Variants in FAM13B observed in about 807,000 individuals in gnomAD.
The protein encoded by FAM13B is protein FAM13B.
FAM13B carries 60 observed loss-of-function variants against 117.3 expected under a neutral mutation model. The ratio of observed to expected loss-of-function variants is 0.51; its 90% CI spans 0.42 to 0.63. The LOEUF (loss-of-function observed/expected upper bound fraction) is 0.63. FAM13B is among the 30% of genes least tolerant of loss of function. The pLI, the probability that FAM13B is intolerant of heterozygous loss-of-function variation, is 0.00. For synonymous variants in FAM13B, 332 were observed against 356.1 expected, an observed-to-expected ratio of 0.93 and a Z score of 0.76; for missense variants, 972 against 1,091.9, an observed-to-expected ratio of 0.89 and a Z score of 1.55.
intron 7 of FAM13B, among the ~76,000 whole-genome samples, chr5:137,989,500 T>TC (rs1778074861): frequency 6.6e-6 from 1 of 152,178 alleles, no homozygotes; most frequent in Non-Finnish European, 1.5e-5. Context: ...GCTGATCGTC[T>TC]CCAGGGAAGT....
intron 10 of FAM13B, among the ~76,000 whole-genome samples, chr5:137,984,482 C>T (rs189097519): frequency 2.2e-4 from 33 of 152,260 alleles, no homozygotes; most frequent in African/African-American, 7.9e-4. Flanking sequence ...ATTTAAGCCA[C>T]CTCTGAGAGA....
intron 16 of FAM13B, 51 bp from the exon 17 acceptor site, chr5:137,952,760 C>G: frequency 9.4e-7 from 1 of 1,064,040 alleles, no homozygotes; most frequent in Non-Finnish European, 1.4e-6. Flanking sequence ...GCAATAGTTA[C>G]ATTAATTTAT....
intron 7 of FAM13B, among the ~76,000 whole-genome samples, chr5:137,988,908 C>T (rs1292778176): frequency 2.6e-5 from 4 of 152,210 alleles, no homozygotes; most frequent in African/African-American, 9.6e-5. Flanking sequence ...GGGACAACTA[C>T]TTTCTCTGGT....
At chr5:137,942,667 T>A (rs1402024626) in intron 22 of FAM13B, 2 of 526,100 alleles carry the variant, frequency 3.8e-6, no homozygotes, top group African/African-American at 4.0e-5. Context: ...CTGGCTAGAT[T>A]TTTTTTTAAT....
At chr5:137,990,840 T>G (rs554768268) in intron 7 of FAM13B, among the ~76,000 whole-genome samples, 1 of 152,238 alleles carries the variant, frequency 6.6e-6, no homozygotes, top group African/African-American at 2.4e-5. Context: ...ATATTTCTGC[T>G]GATGTCAATA....
At position 138,013,462 on chromosome 5, in the gene FAM13B, C is replaced by G. The variant is rs577271199; in HGVS notation, c.371-1517G>C. Among the ~76,000 whole-genome samples, 9 of 149,050 alleles carry G rather than the reference C, an allele frequency of 6.0e-5. No individual in the cohort carries two copies. The East Asian group carries it at 1.8e-3, about 30-fold the overall frequency. On this transcript the variant is annotated intron_variant, in intron 4 of 23. Coordinates refer to ENST00000689681, the MANE Select transcript of FAM13B (RefSeq NM_001385994.1). ...CTTGCAGTGAGCCGAGATTGCACCACTGCACTCCAGCCTGGGGGACAGAGC... is the reference window on the plus strand; with the variant it reads ...CTTGCAGTGAGCCGAGATTGCACCAGTGCACTCCAGCCTGGGGGACAGAGC...
At chr5:138,038,158 AATCTTTGTCT>A (rs1187646557) in intron 1 of FAM13B, among the ~76,000 whole-genome samples, 2 of 152,118 alleles carry the variant, frequency 1.3e-5, no homozygotes, top group Admixed American at 1.3e-4. Flanking sequence ...GAAATTGCCA[AATCTTTGTCT>A]ATCTATTTGT....
At chr5:138,002,620 A>G (rs575455164) in intron 7 of FAM13B, among the ~76,000 whole-genome samples, 2 of 151,982 alleles carry the variant, frequency 1.3e-5, no homozygotes, top group African/African-American at 4.8e-5. Context: ...TAAAAACCCT[A>G]ATCATTCTTT....
intron 6 of FAM13B, 121 bp downstream of exon 6, chr5:138,010,887 G>A (rs1175563450): frequency 9.6e-7 from 1 of 1,044,452 alleles, no homozygotes; most frequent in Non-Finnish European, 1.3e-6. Flanking sequence ...TAATAACCAA[G>A]ATAATTACTT....
At chr5:137,942,295 A>T in intron 22 of FAM13B, 1 of 458,644 alleles carries the variant, frequency 2.2e-6, no homozygotes, top group South Asian at 4.1e-5. Context: ...AAAGAAGTGG[A>T]TATAGAACAA....
upstream of FAM13B, among the ~76,000 whole-genome samples, chr5:138,033,527 C>T (rs1423258201): frequency 1.3e-5 from 2 of 152,210 alleles, no homozygotes; most frequent in African/African-American, 2.4e-5. Context: ...CACGGGGCTG[C>T]ACCTGCGTCC....
At chr5:138,013,533 G>T (rs1212873573) in intron 4 of FAM13B, among the ~76,000 whole-genome samples, 2 of 151,868 alleles carry the variant, frequency 1.3e-5, no homozygotes, top group Admixed American at 1.3e-4. Context: ...AGTTTATCAG[G>T]AAAGGCTACA....
At chr5:138,004,475 A>G (rs1782054286) in intron 7 of FAM13B, among the ~76,000 whole-genome samples, 1 of 152,260 alleles carries the variant, frequency 6.6e-6, no homozygotes, top group Non-Finnish European at 1.5e-5. Context: ...AAGAAATTCT[A>G]CAATGATAGA....
At chr5:137,993,073 C>T (rs1779033206) in intron 7 of FAM13B, among the ~76,000 whole-genome samples, 1 of 152,156 alleles carries the variant, frequency 6.6e-6, no homozygotes, top group African/African-American at 2.4e-5. Context: ...AAAAAATCAC[C>T]GTTCAGTGAA....
At position 137,992,948 on chromosome 5, in the gene FAM13B, G is replaced by A. The variant is rs181371267; in HGVS notation, c.849-4633C>T. On this transcript the variant is annotated intron_variant, in intron 7 of 23. Coordinates refer to ENST00000689681, the MANE Select transcript of FAM13B (RefSeq NM_001385994.1). ...AGTCACAAAGTAAAAAAATTGAATTGTCCACCAACAGCAAAATGGATAATT... is the reference window on the plus strand; with the variant it reads ...AGTCACAAAGTAAAAAAATTGAATTATCCACCAACAGCAAAATGGATAATT... 6.4e-4 allele frequency among the ~76,000 whole-genome samples: 98 copies of A among 152,024 alleles called. 2 individuals are homozygous for A. The East Asian group carries it at 0.015, about 23-fold the overall frequency.
chr5:138,032,362 A>T (rs890213035), intron 1 of FAM13B, among the ~76,000 whole-genome samples: 2 of 152,234 alleles, frequency 1.3e-5, no homozygotes, highest in Non-Finnish European at 2.9e-5. Flanking sequence ...CCCAGAATAA[A>T]ACACACTCCT....
intron 22 of FAM13B, 58 bp from the exon 23 acceptor site, chr5:137,942,103 G>A (rs944120739): frequency 2.8e-6 from 4 of 1,419,244 alleles, no homozygotes; most frequent in African/African-American, 1.4e-5. Context: ...ATTCTTAAGA[G>A]AGGTTCTATT....
In FAM13B at chr5:137,962,434, A is replaced by G; in HGVS notation, c.1215T>C (p.Arg405=). The G allele has an allele frequency of 6.2e-7, 1 of 1,613,880 alleles. No individual in the cohort carries two copies. The change falls in exon 11 of 24, where the codon CGT becomes CGC. Residue 405 remains arginine (R), a synonymous_variant. Coordinates refer to ENST00000689681, the MANE Select transcript of FAM13B (RefSeq NM_001385994.1). The stretch of plus-strand genomic sequence containing the variant: ...CAAGACAGCCATCTTCACTATCACC[A>G]CGGTCACTGCATGGCTCTAACAATA... The part of the protein sequence containing the change: ...VGILLEPCSD[R]GDSEDGCLER...
intron 11 of FAM13B, among the ~76,000 whole-genome samples, chr5:137,961,483 T>C (rs531229755): frequency 2.6e-4 from 40 of 152,292 alleles, no homozygotes; most frequent in Non-Finnish European, 4.7e-4. Context: ...AAGAGGATGA[T>C]TCCTGCCTCC....
Sources: allele counts gnomAD v4.1 joint callset (sites outside exome capture counted in the v4.1 genomes callset), GRCh38; gene constraint gnomAD v4.1.1; transcripts MANE v1.5; gene names NCBI Gene and HGNC (gene_info 2026-07-23, HGNC 2026-07-21).